Variants in ATP2B1 observed in about 807,000 individuals in gnomAD.
ATP2B1 encodes the protein ATPase plasma membrane Ca2+ transporting 1, also known as plasma membrane calcium-transporting ATPase 1.
ATP2B1 carries 14 observed loss-of-function variants against 124.2 expected under a neutral mutation model. The observed-to-expected ratio is 0.11, with a 90% CI of 0.07 to 0.18. The LOEUF is 0.18. ATP2B1 is among the 10% of genes least tolerant of loss of function. The pLI, the probability that ATP2B1 is intolerant of heterozygous loss-of-function variation, is 1.00. For synonymous variants in ATP2B1, 449 were observed against 492.4 expected (o/e 0.91, Z 1.17); for missense variants, 763 against 1,466.1 (o/e 0.52, Z 7.83).
chr12:89,685,265 T>C (rs543348820), intron 1 of ATP2B1, among the ~76,000 whole-genome samples: 3 of 152,276 alleles, frequency 2.0e-5, no homozygotes, highest in African/African-American at 7.2e-5. Flanking sequence ...TGCTTGCTTT[T>C]AACCTCCAAT....
At chr12:89,623,325 A>G (rs1880306884) in intron 9 of ATP2B1, among the ~76,000 whole-genome samples, 1 of 152,104 alleles carries the variant, frequency 6.6e-6, no homozygotes, top group Non-Finnish European at 1.5e-5. Flanking sequence ...TTTTGAAAAA[A>G]AAAAAGTTCA....
chr12:89,648,126 G>A (rs192248542), intron 2 of ATP2B1, among the ~76,000 whole-genome samples: 1 of 152,264 alleles, frequency 6.6e-6, no homozygotes, highest in East Asian at 1.9e-4. Context: ...TGAGGTGTGG[G>A]GCACTGCTAT....
At chr12:89,697,827 A>T (rs563357869) in intron 1 of ATP2B1, among the ~76,000 whole-genome samples, 1 of 151,700 alleles carries the variant, frequency 6.6e-6, no homozygotes, top group South Asian at 2.1e-4. Context: ...CTCCACAAAT[A>T]ATGCTTACAA....
intron 15 of ATP2B1, among the ~76,000 whole-genome samples, chr12:89,605,417 A>T (rs1478436373): frequency 6.6e-6 from 1 of 152,064 alleles, no homozygotes; most frequent in Non-Finnish European, 1.5e-5. Context: ...ATCAAGAGTG[A>T]CATCATTATA....
chr12:89,662,695 T>C (rs1189633902), intron 1 of ATP2B1, among the ~76,000 whole-genome samples: 1 of 152,142 alleles, frequency 6.6e-6, no homozygotes, highest in Non-Finnish European at 1.5e-5. Flanking sequence ...ATAAGCATTA[T>C]CTAAAATGCC....
chr12:89,593,009 A>G (rs1405888212), intron 20 of ATP2B1, among the ~76,000 whole-genome samples: 1 of 152,006 alleles, frequency 6.6e-6, no homozygotes, highest in Non-Finnish European at 1.5e-5. Context: ...ATTCCATTCT[A>G]TTTGATTGCT....
intron 1 of ATP2B1, among the ~76,000 whole-genome samples, chr12:89,672,402 T>C (rs1028039810): frequency 2.0e-5 from 3 of 152,072 alleles, no homozygotes; most frequent in Non-Finnish European, 4.4e-5. Flanking sequence ...TGCAGTGAGC[T>C]GATATCACGC....
rs1364924332 is a variant in ATP2B1 at position 89,642,462 on chromosome 12, G to A, written c.209-107C>T. On this transcript the variant is annotated intron_variant, in intron 2 of 20. Coordinates refer to ENST00000428670, the MANE Select transcript of ATP2B1 (RefSeq NM_001366521.1). The stretch of plus-strand genomic sequence containing the variant: ...TCATCACTCTAGACCCTACCAAAAT[G>A]TTTACTTTCATGCTTTAAGTGTACA... 4.7e-6 allele frequency: 5 copies of A among 1,073,040 alleles called. No individual in the cohort carries two copies. The Admixed American group carries it at 9.3e-5, about 20-fold the overall frequency. 66.5% of individuals were successfully genotyped at this position (1,073,040 alleles called of 1,614,324 possible).
intron 6 of ATP2B1, 145 bp downstream of exon 6, chr12:89,630,360 C>T (rs1881647547): frequency 1.6e-6 from 1 of 628,998 alleles, no homozygotes; most frequent in East Asian, 3.3e-5. Context: ...TCTCTAAAGG[C>T]CCATGCTATT....
intron 1 of ATP2B1, among the ~76,000 whole-genome samples, chr12:89,674,802 T>C (rs546397999): frequency 1.3e-5 from 2 of 152,302 alleles, no homozygotes; most frequent in South Asian, 4.1e-4. Flanking sequence ...TGCCTTTGCA[T>C]GTATGTTATG....
intron 9 of ATP2B1, among the ~76,000 whole-genome samples, chr12:89,622,940 C>T (rs1880243881): frequency 6.6e-6 from 1 of 152,142 alleles, no homozygotes; most frequent in Non-Finnish European, 1.5e-5. Context: ...TCAAAATGAA[C>T]TAATGGCAGT....
intron 1 of ATP2B1, among the ~76,000 whole-genome samples, chr12:89,669,700 T>C (rs1172874968): frequency 1.3e-5 from 2 of 152,196 alleles, no homozygotes; most frequent in Non-Finnish European, 2.9e-5. Flanking sequence ...TATTATTAAG[T>C]GTAATAACTA....
intron 15 of ATP2B1, among the ~76,000 whole-genome samples, chr12:89,605,490 A>G (rs1368176781): frequency 1.3e-5 from 2 of 152,118 alleles, no homozygotes; most frequent in East Asian, 3.9e-4. Flanking sequence ...CCCTTCTCCC[A>G]TGACATGACA....
intron 1 of ATP2B1, among the ~76,000 whole-genome samples, chr12:89,688,651 T>A (rs1381342245): frequency 6.6e-6 from 1 of 152,072 alleles, no homozygotes; most frequent in Non-Finnish European, 1.5e-5. Context: ...ACTCCTTTTG[T>A]CACGGTTTAG....
chr12:89,606,386 A>T (rs1054694996), intron 15 of ATP2B1, among the ~76,000 whole-genome samples: 1 of 152,182 alleles, frequency 6.6e-6, no homozygotes, highest in Non-Finnish European at 1.5e-5. Flanking sequence ...AAAATTTGGT[A>T]TGTGGCAGGG....
chr12:89,660,476 A>C, intron 1 of ATP2B1, among the ~76,000 whole-genome samples: 1 of 152,206 alleles, frequency 6.6e-6, no homozygotes, highest in Middle Eastern at 3.2e-3. Flanking sequence ...AAAATGCATT[A>C]ATTTGGTGTT....
At chr12:89,649,447 C>T (rs1398095805) in intron 2 of ATP2B1, among the ~76,000 whole-genome samples, 8 of 152,180 alleles carry the variant, frequency 5.3e-5, no homozygotes, top group Admixed American at 5.2e-4. Context: ...CTTGTGTGGT[C>T]TACCACTCCT....
intron 2 of ATP2B1, among the ~76,000 whole-genome samples, chr12:89,649,000 A>C (rs1241668677): frequency 1.3e-5 from 2 of 152,256 alleles, no homozygotes; most frequent in Admixed American, 6.5e-5. Flanking sequence ...AGTGTGGAGG[A>C]GGCTTGGCAG....
intron 1 of ATP2B1, among the ~76,000 whole-genome samples, chr12:89,688,432 C>T (rs1890197414): frequency 6.6e-6 from 1 of 152,104 alleles, no homozygotes; most frequent in Non-Finnish European, 1.5e-5. Context: ...AGTCAGACTT[C>T]TAGCTCTGGA....
Sources: gnomAD v4.1 joint callset for allele counts (sites outside exome capture counted in the v4.1 genomes callset) on GRCh38, gnomAD v4.1.1 for gene constraint, MANE v1.5 for transcripts, NCBI Gene and HGNC (gene_info 2026-07-23, HGNC 2026-07-21) for gene names.